The following MGAT4C variants were observed in gnomAD, a reference collection of about 807,000 sequenced individuals.
The protein encoded by MGAT4C is alpha-1,3-mannosyl-glycoprotein 4-beta-N-acetylglucosaminyltransferase C.
A neutral mutation model predicts 40.1 loss-of-function variants in MGAT4C; 19 were observed. The observed-to-expected ratio is 0.47, with a 90% CI of 0.33 to 0.70. The LOEUF (loss-of-function observed/expected upper bound fraction) is 0.70, where lower values mean the gene tolerates loss of function less well. Among genes scored for constraint, MGAT4C ranks in the 30% least tolerant of loss-of-function variants. The pLI is 0.02. For missense variants in MGAT4C, 491 were observed against 563.2 expected (o/e 0.87, Z 1.30); for synonymous variants, 181 against 187.1 (o/e 0.97, Z 0.27).
chr12:86,324,677 A>T (rs1162429645), intron 4 of MGAT4C, among the ~76,000 whole-genome samples: 1 of 152,026 alleles, frequency 6.6e-6, no homozygotes, highest in Non-Finnish European at 1.5e-5. Context: ...TTTGACAACT[A>T]ATCCATAGAG....
intron 2 of MGAT4C, among the ~76,000 whole-genome samples, chr12:86,492,094 G>A (rs1472131312): frequency 1.3e-5 from 2 of 152,156 alleles, no homozygotes; most frequent in Admixed American, 6.5e-5. Flanking sequence ...TGCAAGGGAT[G>A]TGAAGGACCT....
At chr12:86,405,501 AG>A (rs1208013212) in intron 3 of MGAT4C, among the ~76,000 whole-genome samples, 1 of 152,052 alleles carries the variant, frequency 6.6e-6, no homozygotes, top group Admixed American at 6.6e-5. Flanking sequence ...AAAATGAAGG[AG>A]CACATTGGGT....
At chr12:86,643,923 G>A (rs1446760773) in intron 2 of MGAT4C, among the ~76,000 whole-genome samples, 1 of 151,546 alleles carries the variant, frequency 6.6e-6, no homozygotes, top group Non-Finnish European at 1.5e-5. Context: ...AGGTGAATTT[G>A]TTGTTTTGTG....
chr12:86,730,707 T>A (rs978800971), intron 1 of MGAT4C, among the ~76,000 whole-genome samples: 1 of 152,110 alleles, frequency 6.6e-6, no homozygotes, highest in African/African-American at 2.4e-5. Flanking sequence ...AATACTGCTG[T>A]GTTTTTGGAG....
intron 1 of MGAT4C, among the ~76,000 whole-genome samples, chr12:86,799,432 T>TGTGCATTCAGTA (rs1952186301): frequency 6.6e-6 from 1 of 151,906 alleles, no homozygotes; most frequent in Non-Finnish European, 1.5e-5. Flanking sequence ...ACATGCATTA[T>TGTGCATTCAGTA]TTCCTATGTG....
intron 3 of MGAT4C, among the ~76,000 whole-genome samples, chr12:86,347,849 CT>C (rs138039448): frequency 0.076 from 11,490 of 152,126 alleles, 1,039 homozygotes; most frequent in East Asian, 0.24. Flanking sequence ...TTTACTTCTC[CT>C]TTTTTCCTTT....
In MGAT4C at chr12:86,238,322, G is replaced by T. The variant is rs145569960; in HGVS notation, c.-57+17917C>A. 3.0e-3 allele frequency among the ~76,000 whole-genome samples: 455 copies of T among 151,970 alleles called. 2 individuals are homozygous for T. The highest frequency in any genetic ancestry group is 0.01 in the African/African-American group (433 of 41,492). On this transcript the variant is annotated intron_variant, in intron 1 of 4. Coordinates refer to ENST00000611864, the MANE Select transcript of MGAT4C (RefSeq NM_001351288.2). ...ATGATAAAAATAATTTACTTGTCTT[G>T]CATGTTACCATATTTTATTTTAATC...
chr12:86,633,491 C>T (rs1330131866), intron 2 of MGAT4C, among the ~76,000 whole-genome samples: 1 of 152,042 alleles, frequency 6.6e-6, no homozygotes, highest in Non-Finnish European at 1.5e-5. Flanking sequence ...ACTGTGACAA[C>T]CATCCTTTCC....
chr12:86,663,205 G>A (rs373708787), intron 2 of MGAT4C, among the ~76,000 whole-genome samples: 3 of 151,546 alleles, frequency 2.0e-5, no homozygotes, highest in Non-Finnish European at 2.9e-5. Context: ...CAGAAAATAC[G>A]AAAAATTAGT....
chr12:86,702,840 T>C (rs1261877942), intron 2 of MGAT4C, among the ~76,000 whole-genome samples: 1 of 152,214 alleles, frequency 6.6e-6, no homozygotes, highest in African/African-American at 2.4e-5. Flanking sequence ...TTAAGAAATA[T>C]AATTTTAAGA....
In MGAT4C at chr12:86,540,045, G is replaced by T. The variant is rs539265657; in HGVS notation, c.-228-104780C>A. ...GTTTAATTAGATCCCATTTGTCAAT[G>T]TTGGCTTTTGTTGCCATTGCTTTTG... On this transcript the variant is annotated intron_variant, in intron 2 of 7. Coordinates refer to the MGAT4C transcript ENST00000548651. 5.5e-4 allele frequency among the ~76,000 whole-genome samples: 84 copies of T among 152,230 alleles called. 1 individual carries two copies. The highest frequency in any genetic ancestry group is 3.2e-4 in the Non-Finnish European group (22 of 68,000).
At chr12:86,301,599 T>C (rs970157274) in intron 4 of MGAT4C, among the ~76,000 whole-genome samples, 24 of 152,322 alleles carry the variant, frequency 1.6e-4, no homozygotes, top group African/African-American at 5.3e-4. Context: ...TTTGTTGTTG[T>C]TGTTTTGTTT....
intron 1 of MGAT4C, among the ~76,000 whole-genome samples, chr12:86,115,721 A>G (rs1285051967): frequency 6.6e-6 from 1 of 152,076 alleles, no homozygotes; most frequent in Non-Finnish European, 1.5e-5. Context: ...TAGAAGGAAG[A>G]TCGAAGAAAT....
chr12:86,817,770 C>A (rs1952633388), intron 1 of MGAT4C, among the ~76,000 whole-genome samples: 1 of 151,234 alleles, frequency 6.6e-6, no homozygotes, highest in South Asian at 2.1e-4. Context: ...AGAAATAAAG[C>A]CAAAATTGAA....
At chr12:86,445,906 A>C (rs1220278343) in intron 2 of MGAT4C, among the ~76,000 whole-genome samples, 2 of 152,150 alleles carry the variant, frequency 1.3e-5, no homozygotes, top group Non-Finnish European at 2.9e-5. Context: ...AACTAGGAAG[A>C]GGTACAAAAT....
intron 3 of MGAT4C, among the ~76,000 whole-genome samples, chr12:86,361,561 G>T (rs1470046534): frequency 6.6e-6 from 1 of 152,100 alleles, no homozygotes; most frequent in Non-Finnish European, 1.5e-5. Flanking sequence ...CCTACAGAAT[G>T]GGAGAAAATT....
At chr12:86,797,344 C>G (rs1952142129) in intron 1 of MGAT4C, among the ~76,000 whole-genome samples, 1 of 151,622 alleles carries the variant, frequency 6.6e-6, no homozygotes, top group Admixed American at 6.6e-5. Context: ...ATTTTTCTTT[C>G]AAGTTTTTTT....
At chr12:86,402,347 C>T (rs904067176) in intron 3 of MGAT4C, among the ~76,000 whole-genome samples, 1 of 152,076 alleles carries the variant, frequency 6.6e-6, no homozygotes, top group African/African-American at 2.4e-5. Flanking sequence ...ATTACTTGAA[C>T]CCAGGAGGTG....
At chr12:86,406,121 C>G (rs933271663) in intron 3 of MGAT4C, among the ~76,000 whole-genome samples, 1 of 147,366 alleles carries the variant, frequency 6.8e-6, no homozygotes, top group South Asian at 2.1e-4. Context: ...CAAAAATTAA[C>G]CCTAAATGGA....
Sources: gnomAD v4.1 joint callset for allele counts (sites outside exome capture counted in the v4.1 genomes callset) on GRCh38, gnomAD v4.1.1 for gene constraint, MANE v1.5 for transcripts, NCBI Gene and HGNC (gene_info 2026-07-23, HGNC 2026-07-21) for gene names.